Variants in CACNB2 observed in about 807,000 individuals in gnomAD.
The protein encoded by CACNB2 is calcium voltage-gated channel auxiliary subunit beta 2, also known as voltage-dependent L-type calcium channel subunit beta-2.
Under a neutral mutation model 73.3 loss-of-function variants are expected in CACNB2, and 42 were observed. The ratio of observed to expected loss-of-function variants is 0.57; its 90% CI spans 0.45 to 0.74. The LOEUF (loss-of-function observed/expected upper bound fraction) is 0.74. Among genes scored for constraint, CACNB2 ranks in the 30% least tolerant of loss-of-function variants. The probability of loss-of-function intolerance (pLI) is 0.00; values close to 1 mark genes in which losing one functional copy is unlikely to be tolerated. For missense variants in CACNB2, 940 were observed against 853.0 expected (o/e 1.10, Z -1.27); for synonymous variants, 348 against 310.3 (o/e 1.12, Z -1.28).
At chr10:18,485,643 C>G (rs547154304) in intron 3 of CACNB2, among the ~76,000 whole-genome samples, 1 of 150,172 alleles carries the variant, frequency 6.7e-6, no homozygotes, top group South Asian at 2.1e-4. Flanking sequence ...CTCACTGCAA[C>G]CTCCACCTCC....
At chr10:18,251,911 G>A (rs2037107465) in intron 2 of CACNB2, among the ~76,000 whole-genome samples, 1 of 152,130 alleles carries the variant, frequency 6.6e-6, no homozygotes, top group African/African-American at 2.4e-5. Flanking sequence ...CCCCAACACT[G>A]GGTGTTACAA....
At chr10:18,278,022 G>T (rs912442041) in intron 2 of CACNB2, among the ~76,000 whole-genome samples, 4 of 152,084 alleles carry the variant, frequency 2.6e-5, no homozygotes, top group Non-Finnish European at 5.9e-5. Context: ...ATACAGAAAT[G>T]GATATTTTTC....
intron 11 of CACNB2, among the ~76,000 whole-genome samples, chr10:18,535,449 A>AGAGAT (rs1294683073): frequency 2.6e-5 from 4 of 152,174 alleles, no homozygotes; most frequent in Admixed American, 1.3e-4. Flanking sequence ...CAGCCATTAG[A>AGAGAT]GAGATGTGTA....
intron 4 of CACNB2, 67 bp from the exon 5 acceptor site, chr10:18,500,745 T>C (rs2050149749): frequency 1.3e-6 from 2 of 1,490,132 alleles, no homozygotes; most frequent in East Asian, 2.3e-5. Context: ...CGACTGAAAA[T>C]AGTGTGGAAG....
chr10:18,445,418 G>A (rs747505940), intron 3 of CACNB2, among the ~76,000 whole-genome samples: 3 of 152,116 alleles, frequency 2.0e-5, no homozygotes, highest in Non-Finnish European at 2.9e-5. Flanking sequence ...CATTACACAC[G>A]TACTGGCCAT....
intron 2 of CACNB2, among the ~76,000 whole-genome samples, chr10:18,359,499 C>G (rs2042060204): frequency 6.6e-6 from 1 of 152,116 alleles, no homozygotes; most frequent in Non-Finnish European, 1.5e-5. Context: ...GTCTTGAATT[C>G]CTGACCTAAA....
intron 2 of CACNB2, among the ~76,000 whole-genome samples, chr10:18,203,893 C>G (rs1287875724): frequency 6.6e-6 from 1 of 152,054 alleles, no homozygotes; most frequent in Non-Finnish European, 1.5e-5. Context: ...TCTGCTTTTG[C>G]CAATTGTGTT....
intron 2 of CACNB2, among the ~76,000 whole-genome samples, chr10:18,397,298 C>T (rs1333904139): frequency 6.6e-6 from 1 of 152,122 alleles, no homozygotes; most frequent in Non-Finnish European, 1.5e-5. Flanking sequence ...AAAACCGTCT[C>T]TACTGAAAAT....
At position 18,539,690 on chromosome 10, in the gene CACNB2, G is replaced by C. The variant is rs2053956232; in HGVS notation, c.1949G>C (p.Gly650Ala). The change falls in exon 14 of 14, where the codon GGG becomes GCG. Residue 650 changes from glycine to alanine, a missense_variant. Transcript: ENST00000324631. The stretch of plus-strand genomic sequence containing the variant: ...ATATCAAAAAAACGGAATGAGGCTG[G>C]GGAGTGGAACAGGGATGTTTACATC... ...EVISKKRNEA[G>A]EWNRDVYIRQ 2 of 1,612,910 alleles carry C rather than the reference G, an allele frequency of 1.2e-6. No individual in the cohort carries two copies. Among genetic ancestry groups the C allele is most frequent in the African/African-American group, 1.3e-5 (1 of 74,732 alleles).
At chr10:18,275,493 G>A (rs1209141296) in intron 2 of CACNB2, among the ~76,000 whole-genome samples, 1 of 152,190 alleles carries the variant, frequency 6.6e-6, no homozygotes, top group African/African-American at 2.4e-5. Flanking sequence ...AGAATAGCTA[G>A]TGGATGCTGG....
At chr10:18,440,494 A>AC (rs34777954) in intron 3 of CACNB2, among the ~76,000 whole-genome samples, 15,405 of 151,882 alleles carry the variant, frequency 0.1, 946 homozygotes, top group Admixed American at 0.17. Flanking sequence ...ACATAGTGTG[A>AC]CCCCTCATGG....
At position 18,319,127 on chromosome 10, in the gene CACNB2, A is replaced by G. The variant is rs545745423; in HGVS notation, c.214-82797A>G. Among the ~76,000 whole-genome samples, 6 of 152,314 alleles carry G rather than the reference A, an allele frequency of 3.9e-5. No homozygotes were observed. In the South Asian group the frequency reaches 1.2e-3, roughly 32 times the overall value. On this transcript the variant is annotated intron_variant, in intron 2 of 13. Coordinates refer to ENST00000324631, the MANE Select transcript of CACNB2 (RefSeq NM_201596.3). Reference sequence around the variant, plus strand: ...TACCCAAAGGAATATAAATCATTCTACTGTAAAGACACATGCACACGTACA... The same window carrying G: ...TACCCAAAGGAATATAAATCATTCTGCTGTAAAGACACATGCACACGTACA...
Position 18,542,982 on chromosome 10 carries a change from T to C in CACNB2, c.*3258T>C, listed in dbSNP as rs2133355302. 1 of 151,834 alleles carries C rather than the reference T, an allele frequency of 6.6e-6. No homozygotes were observed. The highest frequency in any genetic ancestry group is 1.9e-4 in the East Asian group (1 of 5,160). The allele number at this position is 151,834 out of a possible 1,614,324, so 9.4% of individuals were successfully genotyped here. On this transcript the variant is annotated 3_prime_UTR_variant, in exon 14 of 14. Coordinates refer to ENST00000324631, the MANE Select transcript of CACNB2 (RefSeq NM_201596.3). ...TGTTACAAAAAGGTGCTGCTAAATG[T>C]AGGATGTCTTAGTCATGTTGTACTT...
At chr10:18,379,506 G>A (rs1316603728) in intron 2 of CACNB2, among the ~76,000 whole-genome samples, 2 of 151,894 alleles carry the variant, frequency 1.3e-5, no homozygotes, top group Non-Finnish European at 2.9e-5. Context: ...GAGCCACTGT[G>A]CCTGGCCCCA....
At chr10:18,204,374 A>G (rs1200265497) in intron 2 of CACNB2, among the ~76,000 whole-genome samples, 2 of 152,214 alleles carry the variant, frequency 1.3e-5, no homozygotes, top group Admixed American at 6.5e-5. Context: ...ACCCGTTACT[A>G]AGTAGAATAG....
At chr10:18,463,052 C>T (rs566972327) in intron 3 of CACNB2, among the ~76,000 whole-genome samples, 79 of 152,310 alleles carry the variant, frequency 5.2e-4, no homozygotes, top group African/African-American at 1.7e-3. Context: ...CCACCGCACC[C>T]GGCCACTTAT....
In CACNB2 at chr10:18,514,153, A is replaced by G. The variant is rs1035529392; in HGVS notation, c.671-83A>G. 2.1e-6 allele frequency: 3 copies of G among 1,421,084 alleles called. No homozygotes were observed. The African/African-American group carries it at 4.2e-5, about 20-fold the overall frequency. The allele number at this position is 1,421,084 out of a possible 1,614,324, so 88.0% of individuals were successfully genotyped here. On this transcript the variant is annotated intron_variant, in intron 6 of 13. Transcript: ENST00000324631. ...CATGATAGTTTTTTTTACTATGGTT[A>G]GTTTTATTTGCTTTCATTTTATTTT...
intron 3 of CACNB2, among the ~76,000 whole-genome samples, chr10:18,419,625 C>T (rs903801084): frequency 1.3e-5 from 2 of 152,118 alleles, no homozygotes; most frequent in African/African-American, 4.8e-5. Context: ...CTTGTCCAGA[C>T]CCCAAGAGCG....
intron 6 of CACNB2, among the ~76,000 whole-genome samples, chr10:18,506,832 C>G (rs981069721): frequency 6.6e-6 from 1 of 152,206 alleles, no homozygotes; most frequent in African/African-American, 2.4e-5. Flanking sequence ...CAGAGTCTCA[C>G]TCTATTGCCC....
Sources: allele counts gnomAD v4.1 joint callset (sites outside exome capture counted in the v4.1 genomes callset), GRCh38; gene constraint gnomAD v4.1.1; transcripts MANE v1.5; gene names NCBI Gene and HGNC (gene_info 2026-07-23, HGNC 2026-07-21).